The following CLMN variants were observed in gnomAD, a reference collection of about 807,000 sequenced individuals.
The protein encoded by CLMN is calmin.
CLMN carries 57 observed loss-of-function variants against 92.7 expected under a neutral mutation model. The ratio of observed to expected loss-of-function variants is 0.61; its 90% CI spans 0.50 to 0.77. CLMN has a LOEUF of 0.77. Ranked by LOEUF, CLMN falls within the 30% of genes least tolerant of loss-of-function variation. The pLI is 0.00. For synonymous variants in CLMN, 466 were observed against 470.6 expected, an observed-to-expected ratio of 0.99 and a Z score of 0.13; for missense variants, 1,158 against 1,237.5, an observed-to-expected ratio of 0.94 and a Z score of 0.96.
intron 9 of CLMN, among the ~76,000 whole-genome samples, chr14:95,202,105 G>C (rs1896902264): frequency 1.3e-5 from 2 of 152,186 alleles, no homozygotes; most frequent in African/African-American, 4.8e-5. Flanking sequence ...CTCGTAATGG[G>C]ATTGGTGGGT....
intron 10 of CLMN, among the ~76,000 whole-genome samples, chr14:95,195,072 G>A (rs1185800647): frequency 6.6e-6 from 1 of 152,224 alleles, no homozygotes; most frequent in East Asian, 1.9e-4. Flanking sequence ...GCGGAATGGA[G>A]GGTAACGTCC....
intron 1 of CLMN, among the ~76,000 whole-genome samples, chr14:95,316,922 T>C (rs963562022): frequency 1.3e-5 from 2 of 152,146 alleles, no homozygotes; most frequent in African/African-American, 4.8e-5. Context: ...TCCCTATGAT[T>C]AGAGATCTGT....
Position 95,182,341 on chromosome 14 carries a change from C to G in CLMN, c.*9223G>C, listed in dbSNP as rs56817762. On this transcript the variant is annotated 3_prime_UTR_variant, in exon 13 of 13. Coordinates refer to ENST00000298912, the MANE Select transcript of CLMN (RefSeq NM_024734.4). The stretch of plus-strand genomic sequence containing the variant: ...CATTCAATCTGCTCAATAGACCAGA[C>G]TCCCCCAAAATAAAACAATGATCAC... 0.037 allele frequency: 5,599 copies of G among 152,320 alleles called. 345 individuals carry two copies. Among genetic ancestry groups the G allele is most frequent in the African/African-American group, 0.13 (5,253 of 41,558 alleles). The allele number at this position is 152,320 out of a possible 1,614,324, so 9.4% of individuals were successfully genotyped here.
intron 1 of CLMN, among the ~76,000 whole-genome samples, chr14:95,299,290 T>C (rs541755991): frequency 1.3e-5 from 2 of 152,208 alleles, no homozygotes; most frequent in African/African-American, 4.8e-5. Context: ...AAACCCAGGA[T>C]CCAGAGGACC....
At chr14:95,210,259 C>A (rs1228153284) in intron 7 of CLMN, among the ~76,000 whole-genome samples, 1 of 151,944 alleles carries the variant, frequency 6.6e-6, no homozygotes, top group East Asian at 1.9e-4. Context: ...ACCATGTTGG[C>A]CAGGCTGGTC....
chr14:95,257,970 A>G (rs1424922279), intron 1 of CLMN, among the ~76,000 whole-genome samples: 2 of 152,132 alleles, frequency 1.3e-5, no homozygotes, highest in African/African-American at 4.8e-5. Flanking sequence ...AAAGTACAAG[A>G]GTCAGCTATG....
At chr14:95,267,220 A>T (rs1031116131) in intron 1 of CLMN, among the ~76,000 whole-genome samples, 2 of 152,212 alleles carry the variant, frequency 1.3e-5, no homozygotes, top group Admixed American at 1.3e-4. Flanking sequence ...AAAGGAAACA[A>T]TCAACAAAGT....
At position 95,230,064 on chromosome 14, in the gene CLMN, G is replaced by A. The variant is rs138831842; in HGVS notation, c.144+8C>T. The A allele has an allele frequency of 1.7e-4, 272 of 1,613,416 alleles. 1 individual carries two copies. Among genetic ancestry groups the A allele is most frequent in the East Asian group, 9.6e-4 (43 of 44,888 alleles). ...TATCACTTAGCAAACACCCAAGTGCGCCATTACCTTTTCTAGATGTAGATT... is the reference window on the plus strand; with the variant it reads ...TATCACTTAGCAAACACCCAAGTGCACCATTACCTTTTCTAGATGTAGATT... On this transcript the variant is annotated splice_region_variant and intron_variant, in intron 2 of 12. Coordinates refer to ENST00000298912, the MANE Select transcript of CLMN (RefSeq NM_024734.4).
chr14:95,194,658 C>G lies in CLMN; in HGVS notation c.2709-62G>C, dbSNP rs184219240. On this transcript the variant is annotated intron_variant, in intron 10 of 12. Transcript: ENST00000298912. This position sits in a 1 kb window ranked among gnomAD's most constrained non-coding sequence, Gnocchi z 4.0. ...TGGAGCTCTTCATGGCTCAGTTGTA[C>G]GGTCACCCCCATCCTGGGGTTTCCA... The G allele has an allele frequency of 6.6e-7, 1 of 1,505,688 alleles. No individual in the cohort carries two copies. The highest frequency in any genetic ancestry group is 9.2e-7 in the Non-Finnish European group (1 of 1,081,554). 93.3% of individuals were successfully genotyped at this position (1,505,688 alleles called of 1,614,324 possible).
intron 12 of CLMN, chr14:95,193,379 C>T (rs1896608616): frequency 2.6e-5 from 40 of 1,535,070 alleles, no homozygotes; most frequent in Non-Finnish European, 3.5e-5. Context: ...TGCCATAAAA[C>T]TGTAAAATCA....
chr14:95,194,314 T>A lies in CLMN; in HGVS notation c.2769+222A>T. On this transcript the variant is annotated intron_variant, in intron 11 of 12. Transcript: ENST00000298912. The surrounding 1 kb of genome is among the most constrained non-coding windows in gnomAD (Gnocchi z 4.0). ...GGTGCGTTTTTATAGCAAGGAGGCCTTTGGGCTTTAAAATCCTCACTTTAT... is the reference window on the plus strand; with the variant it reads ...GGTGCGTTTTTATAGCAAGGAGGCCATTGGGCTTTAAAATCCTCACTTTAT... 7.0e-7 allele frequency: 1 copy of A among 1,420,644 alleles called. No individual in the cohort carries two copies. Among genetic ancestry groups the A allele is most frequent in the Non-Finnish European group, 9.2e-7 (1 of 1,091,792 alleles). The allele number at this position is 1,420,644 out of a possible 1,614,324, so 88.0% of individuals were successfully genotyped here.
At chr14:95,286,725 C>T (rs1900357805) in intron 1 of CLMN, among the ~76,000 whole-genome samples, 1 of 152,182 alleles carries the variant, frequency 6.6e-6, no homozygotes, top group Non-Finnish European at 1.5e-5. Context: ...GACATAAAGA[C>T]CAAGAGTCTG....
intron 1 of CLMN, among the ~76,000 whole-genome samples, chr14:95,283,923 C>T (rs1900238244): frequency 6.6e-6 from 1 of 152,182 alleles, no homozygotes; most frequent in Admixed American, 6.5e-5. Flanking sequence ...AGCAAGGAAC[C>T]TAATGTTAAT....
chr14:95,306,393 A>G (rs905104058), intron 1 of CLMN, among the ~76,000 whole-genome samples: 11 of 152,114 alleles, frequency 7.2e-5, no homozygotes, highest in Non-Finnish European at 1.5e-4. Flanking sequence ...CACGTCTGTA[A>G]TCCCAGCTAC....
rs1156470295 is a variant in CLMN at position 95,187,349 on chromosome 14, G to C, written c.*4215C>G. The C allele has an allele frequency of 3.3e-5, 5 of 152,382 alleles. No homozygotes were observed. The highest frequency in any genetic ancestry group is 1.3e-4 in the Admixed American group (2 of 15,308). 9.4% of individuals were successfully genotyped at this position (152,382 alleles called of 1,614,324 possible). A position where few individuals can be genotyped will look rare whatever the true frequency, so the allele number is the denominator to read the frequency against. ...GAATACAGAAGAGAACAGTAAGCAA[G>C]AGCTAGCAACCTATTTATGCAGGAA... On this transcript the variant is annotated 3_prime_UTR_variant, in exon 13 of 13. Transcript: ENST00000298912.
intron 1 of CLMN, among the ~76,000 whole-genome samples, chr14:95,254,612 C>T (rs990170172): frequency 6.6e-6 from 1 of 152,170 alleles, no homozygotes; most frequent in East Asian, 1.9e-4. Context: ...ATGGGCTGAA[C>T]GGTGTTCTCC....
chr14:95,219,795 T>A (rs994183948), intron 4 of CLMN, among the ~76,000 whole-genome samples: 1 of 152,174 alleles, frequency 6.6e-6, no homozygotes, highest in Admixed American at 6.5e-5. Flanking sequence ...TAAAAAGTTT[T>A]AATGAGCTAT....
intron 4 of CLMN, among the ~76,000 whole-genome samples, chr14:95,219,024 G>T (rs76414596): frequency 0.072 from 11,013 of 152,212 alleles, 464 homozygotes; most frequent in South Asian, 0.14. Context: ...TGCCCCTGGG[G>T]TGACATACAG....
chr14:95,271,204 A>G (rs558673623), intron 1 of CLMN, among the ~76,000 whole-genome samples: 7 of 152,248 alleles, frequency 4.6e-5, no homozygotes, highest in Non-Finnish European at 8.8e-5. Flanking sequence ...TTGTGGATAC[A>G]GTCCCTTATC....
Sources: gnomAD v4.1 joint callset for allele counts (sites outside exome capture counted in the v4.1 genomes callset) on GRCh38, gnomAD v4.1.1 for gene constraint, Gnocchi (gnomAD v3.1) non-coding constraint, MANE v1.5 for transcripts, NCBI Gene and HGNC (gene_info 2026-07-23, HGNC 2026-07-21) for gene names.